FARS2: variants seen among roughly 807,000 people sequenced by gnomAD.
FARS2 encodes the protein phenylalanine--tRNA ligase, mitochondrial.
In FARS2, 40 loss-of-function variants were observed where a neutral mutation model predicts 46.4. The ratio of observed to expected loss-of-function variants is 0.86; its 90% CI spans 0.67 to 1.12. FARS2 has a LOEUF of 1.12. Ranked by LOEUF, FARS2 falls within the 50% of genes most tolerant of loss-of-function variation. The pLI, the probability that FARS2 is intolerant of heterozygous loss-of-function variation, is 0.00. For synonymous variants in FARS2, 234 were observed against 214.9 expected (o/e 1.09, Z -0.78); for missense variants, 513 against 567.9 (o/e 0.90, Z 0.98).
At chr6:5,621,031 A>G (rs919595256) in intron 6 of FARS2, among the ~76,000 whole-genome samples, 5 of 152,210 alleles carry the variant, frequency 3.3e-5, no homozygotes, top group Non-Finnish European at 7.3e-5. Flanking sequence ...ACATTTGCCA[A>G]TTGATTCTTG....
intron 6 of FARS2, among the ~76,000 whole-genome samples, chr6:5,632,129 A>C (rs6597154): frequency 0.55 from 83,364 of 151,534 alleles, 24,023 homozygotes; most frequent in East Asian, 0.93. Context: ...TGCCCCAATA[A>C]AAATTCAGAA....
At chr6:5,491,912 T>C (rs1401112791) in intron 4 of FARS2, among the ~76,000 whole-genome samples, 1 of 101,758 alleles carries the variant, frequency 9.8e-6, no homozygotes, top group African/African-American at 5.9e-5. Context: ...TTGTAAAGAT[T>C]TTTTTTTTTT....
intron 1 of FARS2, among the ~76,000 whole-genome samples, chr6:5,270,522 G>A (rs1267947656): frequency 2.0e-5 from 3 of 152,184 alleles, no homozygotes; most frequent in Non-Finnish European, 4.4e-5. Flanking sequence ...GAGATTCCAC[G>A]TGTGTCAAGT....
At chr6:5,274,836 A>G (rs993903943) in intron 1 of FARS2, among the ~76,000 whole-genome samples, 2 of 152,044 alleles carry the variant, frequency 1.3e-5, no homozygotes, top group Non-Finnish European at 2.9e-5. Context: ...TCAGCCTCCC[A>G]AGTAGCTGGG....
intron 4 of FARS2, among the ~76,000 whole-genome samples, chr6:5,508,643 G>A (rs1270752212): frequency 6.6e-6 from 1 of 152,136 alleles, no homozygotes; most frequent in Non-Finnish European, 1.5e-5. Flanking sequence ...AAGTGAGACC[G>A]AAGTCTGAAT....
In FARS2 at chr6:5,427,452, A is replaced by G. The variant is rs909714698; in HGVS notation, c.773-3589A>G. On this transcript the variant is annotated intron_variant, in intron 3 of 6. Transcript: ENST00000274680. ...CTGAAGAAGTCCTTAAAGTAGCAGA[A>G]CAAAGGAAATGAATGGTGTATAGAT... is the stretch of plus-strand genomic sequence containing the variant. 9.2e-5 allele frequency among the ~76,000 whole-genome samples: 14 copies of G among 152,360 alleles called. No homozygotes were observed. The South Asian group carries it at 1.0e-3, about 11-fold the overall frequency.
At position 5,471,593 on chromosome 6, in the gene FARS2, G is replaced by A. The variant is rs908080513; in HGVS notation, c.904+40421G>A. 1.3e-5 allele frequency among the ~76,000 whole-genome samples: 2 copies of A among 152,168 alleles called. No homozygotes were observed. The highest frequency in any genetic ancestry group is 1.3e-4 in the Admixed American group (2 of 15,290). ...CTTTTGTTAGATAGCTATTCTAGTGGCTCTTTGCTTTTAACCAACAAAGGC... is the reference window on the plus strand; with the variant it reads ...CTTTTGTTAGATAGCTATTCTAGTGACTCTTTGCTTTTAACCAACAAAGGC... On this transcript the variant is annotated intron_variant, in intron 4 of 6. Coordinates refer to ENST00000274680, the MANE Select transcript of FARS2 (RefSeq NM_006567.5). The surrounding 1 kb of genome is among the most constrained non-coding windows in gnomAD (Gnocchi z 4.1).
In FARS2 at chr6:5,680,739, C is replaced by CTT. The variant is rs11441342; in HGVS notation, c.1217+67432_1217+67433dup. Among the ~76,000 whole-genome samples, 650 of 143,344 alleles carry CTT rather than the reference C, an allele frequency of 4.5e-3. 5 individuals carry two copies. Among genetic ancestry groups the CTT allele is most frequent in the East Asian group, 0.022 (110 of 4,938 alleles). The allele number at this position is 143,344 out of a possible 152,430, so 94.0% of individuals were successfully genotyped here. On this transcript the variant is annotated intron_variant, in intron 6 of 6. Transcript: ENST00000274680. ...GTTCTGCAAAAAGTACAGACGTTGT[C>CTT]TTTTTTTTTTTTTTGCTTCTACAAA...
chr6:5,678,557 C>T (rs1207257472), intron 6 of FARS2, among the ~76,000 whole-genome samples: 1 of 152,182 alleles, frequency 6.6e-6, no homozygotes, highest in Non-Finnish European at 1.5e-5. Context: ...CTGCAGATAG[C>T]CTCTTACTTT....
chr6:5,356,252 C>T (rs1339333708), intron 1 of FARS2, among the ~76,000 whole-genome samples: 1 of 152,166 alleles, frequency 6.6e-6, no homozygotes, highest in African/African-American at 2.4e-5. Context: ...AGTTCGAGAC[C>T]AGCCTGGCCA....
intron 6 of FARS2, among the ~76,000 whole-genome samples, chr6:5,672,394 C>T (rs116067330): frequency 0.012 from 1,780 of 152,288 alleles, 23 homozygotes; most frequent in African/African-American, 0.04. Flanking sequence ...AGTGTTCCTC[C>T]CACTGTACCA....
At chr6:5,386,212 C>T (rs1760125030) in intron 2 of FARS2, among the ~76,000 whole-genome samples, 1 of 152,028 alleles carries the variant, frequency 6.6e-6, no homozygotes. Flanking sequence ...AGAAGGGGCA[C>T]TGTGTTTCAG....
intron 1 of FARS2, among the ~76,000 whole-genome samples, chr6:5,267,759 A>G (rs1765650634): frequency 6.6e-6 from 1 of 152,006 alleles, no homozygotes; most frequent in Non-Finnish European, 1.5e-5. Context: ...CTCAAAAAAA[A>G]AAAAAAAAAA....
intron 5 of FARS2, among the ~76,000 whole-genome samples, chr6:5,592,247 A>G (rs1773959001): frequency 6.6e-6 from 1 of 152,092 alleles, no homozygotes; most frequent in Non-Finnish European, 1.5e-5. Context: ...TTAGCCACAC[A>G]TAGTGGTATA....
At chr6:5,520,617 C>T (rs6910841) in intron 4 of FARS2, among the ~76,000 whole-genome samples, 16,827 of 152,234 alleles carry the variant, frequency 0.11, 1,000 homozygotes, top group Admixed American at 0.16. Context: ...GTCATCAGCG[C>T]ATGGAAGTCT....
At position 5,715,277 on chromosome 6, in the gene FARS2, A is replaced by G. The variant is rs138800266; in HGVS notation, c.1218-56014A>G. 2.8e-3 allele frequency among the ~76,000 whole-genome samples: 423 copies of G among 152,198 alleles called. 4 individuals carry two copies. The highest frequency in any genetic ancestry group is 9.7e-3 in the African/African-American group (403 of 41,506). On this transcript the variant is annotated intron_variant, in intron 6 of 6. Coordinates refer to ENST00000274680, the MANE Select transcript of FARS2 (RefSeq NM_006567.5). Reference sequence around the variant, plus strand: ...AGAGCCTACACATTTAAAAACTTTCAACACATGGATTTCACCTGTACCCCT... The same window carrying G: ...AGAGCCTACACATTTAAAAACTTTCGACACATGGATTTCACCTGTACCCCT...
At chr6:5,565,863 T>C (rs1387488139) in intron 5 of FARS2, among the ~76,000 whole-genome samples, 1 of 152,176 alleles carries the variant, frequency 6.6e-6, no homozygotes, top group East Asian at 1.9e-4. Context: ...AAAAAACCTT[T>C]CATTAGCCTT....
intron 5 of FARS2, among the ~76,000 whole-genome samples, chr6:5,596,169 A>T (rs765210775): frequency 2.0e-3 from 300 of 152,314 alleles, no homozygotes; most frequent in Non-Finnish European, 2.6e-3. Context: ...ACCGTTATAC[A>T]TTCAGCATAT....
chr6:5,473,476 GA>G (rs1284260430), intron 4 of FARS2, among the ~76,000 whole-genome samples: 2 of 147,572 alleles, frequency 1.4e-5, no homozygotes, highest in Non-Finnish European at 3.0e-5. Flanking sequence ...GCAGTGAGCT[GA>G]GATTGTGCCA....
Sources: gnomAD v4.1 joint callset for allele counts (sites outside exome capture counted in the v4.1 genomes callset) on GRCh38, gnomAD v4.1.1 for gene constraint, Gnocchi (gnomAD v3.1) non-coding constraint, MANE v1.5 for transcripts, NCBI Gene and HGNC (gene_info 2026-07-23, HGNC 2026-07-21) for gene names.